Variants in CAMTA1 observed in about 807,000 individuals in gnomAD.
CAMTA1 encodes the protein calmodulin-binding transcription activator 1.
CAMTA1 carries 27 observed loss-of-function variants against 170.9 expected under a neutral mutation model. That is an observed-to-expected ratio of 0.16 (90% CI 0.12 to 0.22). CAMTA1 has a LOEUF of 0.22. CAMTA1 is among the 10% of genes least tolerant of loss of function. The pLI, the probability that CAMTA1 is intolerant of heterozygous loss-of-function variation, is 1.00. For missense variants in CAMTA1, 1,619 were observed against 2,217.2 expected, an observed-to-expected ratio of 0.73 and a Z score of 5.42; for synonymous variants, 833 against 891.5, an observed-to-expected ratio of 0.93 and a Z score of 1.17.
chr1:7,451,755 T>C (rs1037629742), intron 5 of CAMTA1, among the ~76,000 whole-genome samples: 5 of 152,016 alleles, frequency 3.3e-5, no homozygotes, highest in East Asian at 1.9e-4. Context: ...CCCTCAGAGC[T>C]CCAGAGGGTT....
rs766755660 is a variant in CAMTA1 at position 6,887,890 on chromosome 1, T to C, written c.234+62680T>C. On this transcript the variant is annotated intron_variant, in intron 3 of 22. Transcript: ENST00000303635. This position sits in a 1 kb window ranked among gnomAD's most constrained non-coding sequence, Gnocchi z 4.1. The stretch of plus-strand genomic sequence containing the variant: ...AATGAAATAGAATAAAGTGACCTAC[T>C]CTTGCCTCATCCGGAGTTATTACGA... The C allele has an allele frequency of 8.8e-4, 1,227 of 1,391,406 alleles. 14 individuals carry two copies. Among genetic ancestry groups the C allele is most frequent in the Middle Eastern group, 1.1e-3 (4 of 3,694 alleles). The allele number at this position is 1,391,406 out of a possible 1,614,324, so 86.2% of individuals were successfully genotyped here.
Position 6,887,674 on chromosome 1 carries a change from C to A in CAMTA1, c.234+62464C>A. On this transcript the variant is annotated intron_variant, in intron 3 of 22. Transcript: ENST00000303635. The surrounding 1 kb of genome is among the most constrained non-coding windows in gnomAD (Gnocchi z 4.1). ...TTCAGGCTCTCACCACACACTTGTTCATGGGCGCAGCAAAGAAGAGGGATC... is the reference window on the plus strand; with the variant it reads ...TTCAGGCTCTCACCACACACTTGTTAATGGGCGCAGCAAAGAAGAGGGATC... 1 of 1,535,254 alleles carries A rather than the reference C, an allele frequency of 6.5e-7. No homozygotes were observed. Among genetic ancestry groups the A allele is most frequent in the South Asian group, 1.2e-5 (1 of 84,034 alleles).
chr1:7,468,041 T>C, intron 6 of CAMTA1, 140 bp downstream of exon 6: 1 of 710,066 alleles, frequency 1.4e-6, no homozygotes, highest in Non-Finnish European at 2.5e-6. Flanking sequence ...AGACTTCGGC[T>C]GTTGCGGCAC....
chr1:7,036,913 C>T (rs1258983878), intron 3 of CAMTA1, among the ~76,000 whole-genome samples: 2 of 152,166 alleles, frequency 1.3e-5, no homozygotes, highest in South Asian at 2.1e-4. Flanking sequence ...TTCTTGTCTT[C>T]GGGGTTAATT....
chr1:7,002,866 C>T (rs1256349424), intron 3 of CAMTA1, among the ~76,000 whole-genome samples: 1 of 152,194 alleles, frequency 6.6e-6, no homozygotes, highest in African/African-American at 2.4e-5. Flanking sequence ...GCTGAACAGG[C>T]TCCTGGAGGC....
chr1:6,824,594 A>G (rs1237759240), intron 2 of CAMTA1, among the ~76,000 whole-genome samples: 2 of 152,176 alleles, frequency 1.3e-5, no homozygotes, highest in Non-Finnish European at 2.9e-5. Context: ...CCTTATATTT[A>G]TAAGATTTGT....
intron 22 of CAMTA1, among the ~76,000 whole-genome samples, chr1:7,760,173 T>C (rs1436586097): frequency 2.6e-5 from 4 of 152,188 alleles, no homozygotes; most frequent in African/African-American, 9.7e-5. Context: ...AATAACACTT[T>C]TTAGTCACAT....
At chr1:6,964,204 G>A (rs1691108145) in intron 3 of CAMTA1, among the ~76,000 whole-genome samples, 2 of 152,136 alleles carry the variant, frequency 1.3e-5, no homozygotes, top group South Asian at 4.1e-4. Context: ...AGGGGCCTGG[G>A]TGCCTGGGTA....
rs368581800 is a variant in CAMTA1 at position 7,736,923 on chromosome 1, C to T, written c.3264-8C>T. On this transcript the variant is annotated splice_region_variant and splice_polypyrimidine_tract_variant and intron_variant, in intron 13 of 22. Transcript: ENST00000303635. This position sits in a 1 kb window ranked among gnomAD's most constrained non-coding sequence, Gnocchi z 4.5. ...TAGTGTGGTAATTTCTGGTGCTCTC[C>T]CTTATAGTACAAAGCACGCGGATAG... The T allele has an allele frequency of 5.6e-6, 9 of 1,608,968 alleles. No homozygotes were observed. The South Asian group carries it at 8.9e-5, about 16-fold the overall frequency.
intron 5 of CAMTA1, among the ~76,000 whole-genome samples, chr1:7,383,913 C>A (rs2087641238): frequency 6.6e-6 from 1 of 152,158 alleles, no homozygotes; most frequent in South Asian, 2.1e-4. Flanking sequence ...CAGAGAAGAA[C>A]AGAGAATCTG....
At position 7,737,564 on chromosome 1, in the gene CAMTA1, A is replaced by G; in HGVS notation, c.3652A>G (p.Asn1218Asp). 6.2e-7 allele frequency: 1 copy of G among 1,602,130 alleles called. No individual in the cohort carries two copies. The highest frequency in any genetic ancestry group is 8.5e-7 in the Non-Finnish European group (1 of 1,172,888). The stretch of plus-strand genomic sequence containing the variant: ...GGGAGTCACTGTTATTGCAAGCACC[A>G]ACCCAGGTAAGAATTCAGAATCATG... Reference protein sequence around the residue: ...PKGVTVIASTNPELRRPRSEP... With the variant: ...PKGVTVIASTDPELRRPRSEP... Residue 1218 changes from asparagine (N) to aspartate (D), a missense_variant, in exon 15 of 23, where the codon AAC becomes GAC. By Grantham distance (23) the Asn-to-Asp change is conservative (BLOSUM62 1). Coordinates refer to ENST00000303635, the MANE Select transcript of CAMTA1 (RefSeq NM_015215.4).
intron 9 of CAMTA1, among the ~76,000 whole-genome samples, chr1:7,666,428 G>C (rs1220064785): frequency 6.6e-6 from 1 of 152,186 alleles, no homozygotes. Context: ...CCGGGGATCT[G>C]ACTTTGAGAA....
intron 3 of CAMTA1, among the ~76,000 whole-genome samples, chr1:6,962,034 G>A (rs1283701321): frequency 6.6e-6 from 1 of 151,472 alleles, no homozygotes; most frequent in Non-Finnish European, 1.5e-5. Context: ...CTCAGCCTCC[G>A]GGCTGTCCCC....
At chr1:7,419,310 C>T (rs1211847203) in intron 5 of CAMTA1, among the ~76,000 whole-genome samples, 2 of 152,194 alleles carry the variant, frequency 1.3e-5, no homozygotes, top group Non-Finnish European at 2.9e-5. Context: ...CATCTGCCAC[C>T]ATTCCTGGCT....
At chr1:6,828,120 G>T (rs925824204) in intron 3 of CAMTA1, among the ~76,000 whole-genome samples, 6 of 151,946 alleles carry the variant, frequency 3.9e-5, no homozygotes, top group African/African-American at 9.7e-5. Context: ...GTGTGTGCTC[G>T]CTCGCTCTCT....
intron 10 of CAMTA1, among the ~76,000 whole-genome samples, chr1:7,675,268 C>A (rs902486822): frequency 2.0e-5 from 3 of 152,050 alleles, no homozygotes; most frequent in African/African-American, 7.2e-5. Flanking sequence ...GAGTGGGGTA[C>A]GGGGAGCTGA....
chr1:7,263,696 C>A (rs1468421325), intron 5 of CAMTA1, among the ~76,000 whole-genome samples: 3 of 152,088 alleles, frequency 2.0e-5, no homozygotes, highest in Non-Finnish European at 2.9e-5. Flanking sequence ...CCTTCTTCCA[C>A]TTTAGGGCCA....
chr1:7,427,710 C>G (rs951252554), intron 5 of CAMTA1, among the ~76,000 whole-genome samples: 1 of 152,202 alleles, frequency 6.6e-6, no homozygotes, highest in Non-Finnish European at 1.5e-5. Flanking sequence ...TGAGAAAGCT[C>G]TCCCCTGGGA....
rs768619943 is a variant in CAMTA1, at chr1:7,249,632, C to T, written c.438+6C>T. The T allele has an allele frequency of 6.2e-6, 10 of 1,613,308 alleles. No individual in the cohort carries two copies. The highest frequency in any genetic ancestry group is 2.7e-5 in the African/African-American group (2 of 74,962). ...TCAAGGTCCAGGGAGTGGAGGTAAA[C>T]AGCAGAAAAGGTTCCCTTGGTGCAC... On this transcript the variant is annotated splice_donor_region_variant and intron_variant, in intron 5 of 22. Coordinates refer to ENST00000303635, the MANE Select transcript of CAMTA1 (RefSeq NM_015215.4). The surrounding 1 kb of genome is among the most constrained non-coding windows in gnomAD (Gnocchi z 4.4).
Sources: gnomAD v4.1 joint callset for allele counts (sites outside exome capture counted in the v4.1 genomes callset) on GRCh38, gnomAD v4.1.1 for gene constraint, Gnocchi (gnomAD v3.1) non-coding constraint, MANE v1.5 for transcripts, NCBI Gene and HGNC (gene_info 2026-07-23, HGNC 2026-07-21) for gene names.